Variants in TANK observed in about 807,000 individuals in gnomAD.
TANK encodes TRAF family member associated NFKB activator, also known as TRAF family member-associated NF-kappa-B activator.
A neutral mutation model predicts 43.6 loss-of-function variants in TANK; 15 were observed. That is an observed-to-expected ratio of 0.34 (90% CI 0.23 to 0.53). The LOEUF (loss-of-function observed/expected upper bound fraction) is 0.53. Among genes scored for constraint, TANK ranks in the 20% least tolerant of loss-of-function variants. TANK has a pLI of 0.94. For synonymous variants in TANK, 162 were observed against 178.2 expected, an observed-to-expected ratio of 0.91 and a Z score of 0.73; for missense variants, 417 against 498.6, an observed-to-expected ratio of 0.84 and a Z score of 1.56.
At chr2:161,181,397 G>T (rs1199253177) in intron 2 of TANK, among the ~76,000 whole-genome samples, 62 of 151,932 alleles carry the variant, frequency 4.1e-4, no homozygotes, top group Non-Finnish European at 2.2e-4. Context: ...ACCAGCCTGG[G>T]TAATAAGAAC....
intron 3 of TANK, among the ~76,000 whole-genome samples, chr2:161,204,240 A>G (rs1038205623): frequency 6.6e-6 from 1 of 152,218 alleles, no homozygotes; most frequent in African/African-American, 2.4e-5. Flanking sequence ...GGAATAATTC[A>G]CAGGTGATAA....
intron 1 of TANK, among the ~76,000 whole-genome samples, chr2:161,137,556 A>T (rs1683622434): frequency 6.6e-6 from 1 of 152,184 alleles, no homozygotes; most frequent in South Asian, 2.1e-4. Context: ...ATGCTGAAAG[A>T]TATTTGGCTT....
At chr2:161,204,912 AT>A (rs1386187707) in intron 4 of TANK, 119 bp downstream of exon 4, 8 of 1,488,880 alleles carry the variant, frequency 5.4e-6, no homozygotes, top group Non-Finnish European at 7.1e-6. Flanking sequence ...ATATACAAAT[AT>A]GTGGCTTAAA....
chr2:161,231,550 A>C lies in TANK; in HGVS notation c.1100A>C (p.Gln367Pro). The C allele has an allele frequency of 6.2e-7, 1 of 1,610,766 alleles. No homozygotes were observed. The highest frequency in any genetic ancestry group is 8.5e-7 in the Non-Finnish European group (1 of 1,179,776). The stretch of plus-strand genomic sequence containing the variant: ...GGAAAAGCAATCCGAGGACCACAGC[A>C]GGTAACTGTTTTGCATTAACAAATA... ...SPGKAIRGPQ[Q>P]PIWKPFPNQD... Residue 367 changes from glutamine to proline, a missense_variant and splice_region_variant, in exon 7 of 8, where the codon CAG (glutamine) becomes CCG (proline). By Grantham distance (76) the Gln-to-Pro change is moderately conservative. Transcript: ENST00000392749.
At position 161,235,749 on chromosome 2, in the gene TANK, A is replaced by G. The variant is rs1574084219; in HGVS notation, c.*231A>G. The G allele has an allele frequency of 1.1e-5, 4 of 350,936 alleles. 1 individual carries two copies. In the South Asian group the frequency reaches 2.3e-4, roughly 20 times the overall value. The allele number at this position is 350,936 out of a possible 1,614,324, so 21.7% of individuals were successfully genotyped here. A position where few individuals can be genotyped will look rare whatever the true frequency, so the allele number is the denominator to read the frequency against. On this transcript the variant is annotated 3_prime_UTR_variant, in exon 8 of 8. Transcript: ENST00000392749. The stretch of plus-strand genomic sequence containing the variant: ...AGAAAAACAAAAAAAATTCTGTATA[A>G]AACTGTAATCCTTTGTATTCATGTT...
At chr2:161,190,369 A>G (rs1165735222) in intron 2 of TANK, among the ~76,000 whole-genome samples, 4 of 152,206 alleles carry the variant, frequency 2.6e-5, no homozygotes, top group African/African-American at 9.6e-5. Flanking sequence ...AAAATAATGC[A>G]GCCATTGTGG....
chr2:161,225,391 G>C (rs1351573873), intron 6 of TANK, among the ~76,000 whole-genome samples: 1 of 152,050 alleles, frequency 6.6e-6, no homozygotes, highest in Non-Finnish European at 1.5e-5. Context: ...CAAATTTCCT[G>C]AGTGCTAGTT....
chr2:161,156,900 C>T (rs1684242402), upstream of TANK, among the ~76,000 whole-genome samples: 1 of 152,138 alleles, frequency 6.6e-6, no homozygotes, highest in East Asian at 1.9e-4. Flanking sequence ...AAGTAAACCC[C>T]CAGAGAAACA....
chr2:161,209,713 T>C (rs551595272), intron 4 of TANK, among the ~76,000 whole-genome samples: 1 of 152,298 alleles, frequency 6.6e-6, no homozygotes, highest in African/African-American at 2.4e-5. Flanking sequence ...AGCAATAATA[T>C]AGAAGACAAA....
intron 2 of TANK, 37 bp downstream of exon 2, chr2:161,179,798 T>A: frequency 6.3e-7 from 1 of 1,582,172 alleles, no homozygotes; most frequent in East Asian, 2.3e-5. Flanking sequence ...TTCTTTATCT[T>A]GGTACATGGA....
intron 1 of TANK, among the ~76,000 whole-genome samples, chr2:161,154,898 CA>C (rs1182115959): frequency 6.6e-6 from 1 of 151,990 alleles, no homozygotes; most frequent in African/African-American, 2.4e-5. Context: ...ACGTGTACCA[CA>C]ACACCTGGCT....
At chr2:161,193,101 C>T (rs1340923022) in intron 2 of TANK, among the ~76,000 whole-genome samples, 1 of 152,122 alleles carries the variant, frequency 6.6e-6, no homozygotes, top group Non-Finnish European at 1.5e-5. Flanking sequence ...TTATCATGTG[C>T]CAGGGACATC....
intron 1 of TANK, chr2:161,161,136 G>T: frequency 7.4e-7 from 1 of 1,348,844 alleles, no homozygotes; most frequent in Non-Finnish European, 9.8e-7. Flanking sequence ...AAACTGACTA[G>T]CAACGAGTTA....
chr2:161,171,464 G>A (rs1004194883), intron 1 of TANK, among the ~76,000 whole-genome samples: 5 of 152,134 alleles, frequency 3.3e-5, no homozygotes, highest in African/African-American at 1.2e-4. Context: ...GCCTATGGAT[G>A]TCCTCAGGGA....
chr2:161,216,522 C>T (rs1341372032), intron 4 of TANK: 6 of 412,258 alleles, frequency 1.5e-5, no homozygotes, highest in Non-Finnish European at 2.9e-5. Flanking sequence ...GATAAATGTT[C>T]ATTCCCCTTT....
Position 161,231,322 on chromosome 2 carries a change from A to T in TANK, c.872A>T (p.Gln291Leu). Residue 291 changes from glutamine to leucine, a missense_variant, in exon 7 of 8, where the codon CAG becomes CTG. Gln to Leu is a moderately radical substitution (Grantham distance 113, BLOSUM62 -2). Coordinates refer to ENST00000392749, the MANE Select transcript of TANK (RefSeq NM_001199135.3). ...VKTEETLFEI[Q>L]GIDPIASAIQ... Reference sequence around the variant, plus strand: ...ACAGAAGAAACTTTATTTGAAATTCAGGGAATTGACCCCATAGCTTCAGCT... The same window carrying T: ...ACAGAAGAAACTTTATTTGAAATTCTGGGAATTGACCCCATAGCTTCAGCT... 6.2e-7 allele frequency: 1 copy of T among 1,614,218 alleles called. No homozygotes were observed. The highest frequency in any genetic ancestry group is 1.7e-5 in the Admixed American group (1 of 60,026).
chr2:161,228,526 G>A (rs902902645), intron 6 of TANK, among the ~76,000 whole-genome samples: 2 of 151,958 alleles, frequency 1.3e-5, no homozygotes, highest in South Asian at 2.1e-4. Context: ...CAAGAGCGAA[G>A]CTCGGTCTCA....
intron 1 of TANK, among the ~76,000 whole-genome samples, chr2:161,168,083 G>A (rs866943753): frequency 2.6e-5 from 4 of 152,226 alleles, no homozygotes; most frequent in Admixed American, 1.3e-4. Flanking sequence ...GCATTTTATG[G>A]CTACTTGGCA....
chr2:161,202,807 G>A (rs1316600226), intron 2 of TANK: 2 of 444,196 alleles, frequency 4.5e-6, no homozygotes, highest in African/African-American at 2.1e-5. Flanking sequence ...AATGTTTGCA[G>A]CATCTGTATT....
Sources: gnomAD v4.1 joint callset for allele counts (sites outside exome capture counted in the v4.1 genomes callset) on GRCh38, gnomAD v4.1.1 for gene constraint, MANE v1.5 for transcripts, NCBI Gene and HGNC (gene_info 2026-07-23, HGNC 2026-07-21) for gene names.